The following HECW1 variants were observed in gnomAD, a reference collection of about 807,000 sequenced individuals.
HECW1 encodes the protein E3 ubiquitin-protein ligase HECW1.
Under a neutral mutation model 182.3 loss-of-function variants are expected in HECW1, and 61 were observed. The observed-to-expected ratio is 0.33, with a 90% CI of 0.27 to 0.41. The LOEUF (loss-of-function observed/expected upper bound fraction) is 0.41, where lower values mean the gene tolerates loss of function less well. Among genes scored for constraint, HECW1 ranks in the 10% least tolerant of loss-of-function variants. The probability of loss-of-function intolerance (pLI) is 1.00; values close to 1 mark genes in which losing one functional copy is unlikely to be tolerated. For missense variants in HECW1, 1,739 were observed against 2,108.9 expected, an observed-to-expected ratio of 0.82 and a Z score of 3.44; for synonymous variants, 859 against 832.6, an observed-to-expected ratio of 1.03 and a Z score of -0.55.
chr7:43,456,196 A>G (rs1221551439), intron 12 of HECW1, 101 bp from the exon 13 acceptor site: 2 of 1,227,082 alleles, frequency 1.6e-6, no homozygotes, highest in Non-Finnish European at 2.3e-6. Flanking sequence ...CCATGAACCA[A>G]TGGTGAGTTC....
At chr7:43,220,909 C>T (rs1796884038) in intron 2 of HECW1, among the ~76,000 whole-genome samples, 1 of 152,290 alleles carries the variant, frequency 6.6e-6, no homozygotes, top group African/African-American at 2.4e-5. Context: ...ATTCACAGGC[C>T]TCCCTGTGCA....
At chr7:43,465,973 A>G (rs1172911828) in intron 14 of HECW1, among the ~76,000 whole-genome samples, 1 of 137,270 alleles carries the variant, frequency 7.3e-6, no homozygotes, top group Non-Finnish European at 1.6e-5. Context: ...AAGAAGAAAG[A>G]AGGGAGGGAG....
At chr7:43,356,813 A>T (rs1815201510) in intron 5 of HECW1, among the ~76,000 whole-genome samples, 1 of 150,002 alleles carries the variant, frequency 6.7e-6, no homozygotes, top group African/African-American at 2.4e-5. Context: ...TTAAGAAAAA[A>T]GTTTTAAAAT....
intron 24 of HECW1, chr7:43,523,084 A>C (rs1319625188): frequency 4.7e-6 from 2 of 423,380 alleles, no homozygotes; most frequent in African/African-American, 2.1e-5. Context: ...GCTCACTGCA[A>C]CCTCCTCCTC....
At chr7:43,217,518 C>T (rs1381740250) in intron 2 of HECW1, among the ~76,000 whole-genome samples, 1 of 152,120 alleles carries the variant, frequency 6.6e-6, no homozygotes, top group Admixed American at 6.5e-5. Flanking sequence ...AATTGGGGTA[C>T]CCTCGAAAGC....
At chr7:43,478,547 C>A (rs2078302704) in intron 16 of HECW1, among the ~76,000 whole-genome samples, 1 of 151,998 alleles carries the variant, frequency 6.6e-6, no homozygotes, top group Non-Finnish European at 1.5e-5. Context: ...CATTAAAATT[C>A]TCCATTAAAA....
intron 4 of HECW1, among the ~76,000 whole-genome samples, chr7:43,314,955 C>CCTGAGTCACACAGCA (rs1809011525): frequency 6.6e-6 from 1 of 152,162 alleles, no homozygotes; most frequent in East Asian, 1.9e-4. Flanking sequence ...GCTGCCTCCC[C>CCTGAGTCACACAGCA]TGGCTCAGGA....
At chr7:43,403,869 A>G (rs144881673) in intron 7 of HECW1, among the ~76,000 whole-genome samples, 1 of 152,334 alleles carries the variant, frequency 6.6e-6, no homozygotes, top group African/African-American at 2.4e-5. Context: ...ATAACTTTAA[A>G]ATTCTATTTT....
intron 5 of HECW1, among the ~76,000 whole-genome samples, chr7:43,326,345 T>G (rs1234737687): frequency 6.6e-6 from 1 of 152,202 alleles, no homozygotes; most frequent in East Asian, 1.9e-4. Context: ...GGGATCTGCC[T>G]CCTCACTCTG....
At chr7:43,415,483 T>C (rs1189827006) in intron 8 of HECW1, among the ~76,000 whole-genome samples, 1 of 152,026 alleles carries the variant, frequency 6.6e-6, no homozygotes, top group Non-Finnish European at 1.5e-5. Flanking sequence ...ATTTCAACTT[T>C]GGTGAATCTG....
At chr7:43,442,783 TG>T (rs1445807277) in intron 10 of HECW1, among the ~76,000 whole-genome samples, 154 bp downstream of exon 10, 7 of 152,266 alleles carry the variant, frequency 4.6e-5, no homozygotes, top group Non-Finnish European at 8.8e-5. Flanking sequence ...TGATCTATTC[TG>T]GAAGCCAGGT....
chr7:43,378,968 ATGGGGTGGTT>A (rs2074436939), intron 6 of HECW1, among the ~76,000 whole-genome samples: 1 of 152,064 alleles, frequency 6.6e-6, no homozygotes, highest in Non-Finnish European at 1.5e-5. Context: ...GACATAGAAC[ATGGGGTGGTT>A]ATTGCTTATG....
intron 28 of HECW1, 87 bp downstream of exon 28, chr7:43,552,423 T>A (rs2081868427): frequency 1.1e-6 from 1 of 904,428 alleles, no homozygotes; most frequent in Non-Finnish European, 1.8e-6. Context: ...GTGAAATTGA[T>A]GTAAAATAAA....
intron 11 of HECW1, among the ~76,000 whole-genome samples, chr7:43,448,154 A>G (rs1373351948): frequency 6.6e-6 from 1 of 151,222 alleles, no homozygotes; most frequent in Admixed American, 6.6e-5. Context: ...AGAGAGAGAG[A>G]AAAAAAAACT....
intron 29 of HECW1, among the ~76,000 whole-genome samples, chr7:43,558,086 G>A (rs1405795129): frequency 2.0e-5 from 3 of 152,176 alleles, no homozygotes; most frequent in Admixed American, 2.0e-4. Flanking sequence ...GAGAACTGGA[G>A]ATGGGACACT....
chr7:43,355,234 G>A (rs1814974444), intron 5 of HECW1, among the ~76,000 whole-genome samples: 1 of 152,132 alleles, frequency 6.6e-6, no homozygotes. Flanking sequence ...GGAAACGTTT[G>A]AAGATATAAA....
chr7:43,533,039 A>G (rs1297578190), intron 24 of HECW1, among the ~76,000 whole-genome samples: 3 of 152,060 alleles, frequency 2.0e-5, no homozygotes, highest in African/African-American at 7.2e-5. Context: ...TTCTCAAGAG[A>G]GGTTGATTTT....
intron 6 of HECW1, among the ~76,000 whole-genome samples, chr7:43,395,692 C>T (rs1013688234): frequency 6.6e-6 from 1 of 152,206 alleles, no homozygotes; most frequent in Non-Finnish European, 1.5e-5. Flanking sequence ...CAAGATTTGT[C>T]TACAAGCAGC....
chr7:43,510,442 A>G (rs1193212010), intron 24 of HECW1, among the ~76,000 whole-genome samples: 1 of 152,220 alleles, frequency 6.6e-6, no homozygotes, highest in Non-Finnish European at 1.5e-5. Context: ...TACCTTCGCT[A>G]ATTTAACAAT....
Sources: gnomAD v4.1 joint callset for allele counts (sites outside exome capture counted in the v4.1 genomes callset) on GRCh38, gnomAD v4.1.1 for gene constraint, MANE v1.5 for transcripts, NCBI Gene and HGNC (gene_info 2026-07-23, HGNC 2026-07-21) for gene names.